The following CSMD1 variants were observed in gnomAD, a reference collection of about 807,000 sequenced individuals.
CSMD1 encodes the protein CUB and sushi domain-containing protein 1.
CSMD1 carries 213 observed loss-of-function variants against 417.5 expected under a neutral mutation model. The ratio of observed to expected loss-of-function variants is 0.51; its 90% CI spans 0.46 to 0.57. The LOEUF (loss-of-function observed/expected upper bound fraction) is 0.57. Among genes scored for constraint, CSMD1 ranks in the 20% least tolerant of loss-of-function variants. The probability of loss-of-function intolerance (pLI) is 0.00; values close to 1 mark genes in which losing one functional copy is unlikely to be tolerated. For synonymous variants in CSMD1, 2,862 were observed against 1,736.8 expected, an observed-to-expected ratio of 1.65 and a Z score of -16.11; for missense variants, 6,923 against 4,529.7, an observed-to-expected ratio of 1.53 and a Z score of -15.17.
chr8:3,209,618 T>A (rs1797491120), intron 30 of CSMD1, among the ~76,000 whole-genome samples: 1 of 152,184 alleles, frequency 6.6e-6, no homozygotes, highest in African/African-American at 2.4e-5. Flanking sequence ...TGCACTCGGC[T>A]ATTTAATTCT....
At chr8:3,615,038 T>A (rs1422511779) in intron 8 of CSMD1, among the ~76,000 whole-genome samples, 1 of 152,182 alleles carries the variant, frequency 6.6e-6, no homozygotes, top group Non-Finnish European at 1.5e-5. Flanking sequence ...GTTGCTTTGT[T>A]TTCAAAAGAG....
chr8:3,425,612 G>C (rs948946694), intron 12 of CSMD1, among the ~76,000 whole-genome samples: 1 of 146,002 alleles, frequency 6.8e-6, no homozygotes, highest in Non-Finnish European at 1.5e-5. Flanking sequence ...AAAGAAGAAA[G>C]AAAAAAGGAA....
At chr8:4,159,713 C>G (rs10103793) in intron 3 of CSMD1, among the ~76,000 whole-genome samples, 1 of 152,092 alleles carries the variant, frequency 6.6e-6, no homozygotes, top group Non-Finnish European at 1.5e-5. Flanking sequence ...CTCAGCCTCC[C>G]GAGCAGCTGG....
At chr8:3,696,290 G>A (rs1440507248) in intron 7 of CSMD1, among the ~76,000 whole-genome samples, 1 of 152,146 alleles carries the variant, frequency 6.6e-6, no homozygotes, top group African/African-American at 2.4e-5. Context: ...AATATGCAGT[G>A]CATGCAAAAT....
chr8:4,723,807 A>G (rs1024095301), intron 1 of CSMD1, among the ~76,000 whole-genome samples: 1 of 151,440 alleles, frequency 6.6e-6, no homozygotes, highest in Admixed American at 6.6e-5. Flanking sequence ...AAAACAAAAA[A>G]AAAACAAAAC....
At chr8:4,198,278 G>T (rs1375921968) in intron 3 of CSMD1, among the ~76,000 whole-genome samples, 1 of 152,216 alleles carries the variant, frequency 6.6e-6, no homozygotes, top group Admixed American at 6.5e-5. Flanking sequence ...AAGCACAGAA[G>T]GTAAACCCCA....
At chr8:3,919,215 G>C (rs1280266095) in intron 5 of CSMD1, among the ~76,000 whole-genome samples, 2 of 125,142 alleles carry the variant, frequency 1.6e-5, no homozygotes, top group East Asian at 2.5e-4. Context: ...AAAAAAGAAA[G>C]AAATCATTGT....
chr8:3,978,758 C>T (rs1813632686), intron 5 of CSMD1, among the ~76,000 whole-genome samples: 2 of 152,154 alleles, frequency 1.3e-5, no homozygotes, highest in South Asian at 4.1e-4. Flanking sequence ...GACATCAGTG[C>T]ATGACGGTGC....
intron 15 of CSMD1, among the ~76,000 whole-genome samples, chr8:3,403,622 G>A (rs1236125401): frequency 6.6e-6 from 1 of 152,172 alleles, no homozygotes; most frequent in Non-Finnish European, 1.5e-5. Context: ...TTATGGTAAA[G>A]GACATAAGGC....
intron 12 of CSMD1, among the ~76,000 whole-genome samples, chr8:3,418,687 C>A (rs1366263622): frequency 1.3e-5 from 2 of 152,084 alleles, no homozygotes; most frequent in African/African-American, 4.8e-5. Context: ...TGCCCTGCAC[C>A]AGAGCAAGAG....
chr8:4,981,985 C>T (rs1030931487), intron 1 of CSMD1, among the ~76,000 whole-genome samples: 6 of 152,144 alleles, frequency 3.9e-5, no homozygotes, highest in Non-Finnish European at 5.9e-5. Context: ...TGATGGTAAA[C>T]TCTGGCCAAA....
intron 3 of CSMD1, among the ~76,000 whole-genome samples, chr8:4,259,671 C>A (rs2128839812): frequency 1.3e-5 from 2 of 152,244 alleles, no homozygotes; most frequent in Middle Eastern, 6.8e-3. Flanking sequence ...ACTGGCAGTA[C>A]TGGGTCCTGA....
chr8:3,250,833 A>G (rs537763983), intron 26 of CSMD1, among the ~76,000 whole-genome samples: 187 of 152,144 alleles, frequency 1.2e-3, no homozygotes, highest in African/African-American at 4.4e-3. Flanking sequence ...GCATTTTTTC[A>G]TGTGTCTGTT....
At chr8:4,023,554 C>T (rs1182868164) in intron 4 of CSMD1, among the ~76,000 whole-genome samples, 1 of 151,278 alleles carries the variant, frequency 6.6e-6, no homozygotes, top group Non-Finnish European at 1.5e-5. Context: ...CACGCACTTA[C>T]CAAAATATGA....
intron 37 of CSMD1, among the ~76,000 whole-genome samples, chr8:3,178,547 T>A (rs1821084437): frequency 6.6e-6 from 1 of 152,190 alleles, no homozygotes; most frequent in Admixed American, 6.5e-5. Flanking sequence ...TTTTCATGCC[T>A]GCCTCTGCAT....
intron 26 of CSMD1, among the ~76,000 whole-genome samples, chr8:3,259,791 G>A (rs576430156): frequency 5.9e-5 from 9 of 152,278 alleles, no homozygotes; most frequent in African/African-American, 2.2e-4. Context: ...ATCAAATCTG[G>A]CCCATCAGCT....
intron 3 of CSMD1, among the ~76,000 whole-genome samples, chr8:4,387,229 A>G (rs1336550130): frequency 6.6e-6 from 1 of 152,196 alleles, no homozygotes. Flanking sequence ...ACAAATGTAA[A>G]TATTTTATGC....
intron 2 of CSMD1, among the ~76,000 whole-genome samples, chr8:4,567,260 A>G (rs115085674): frequency 0.032 from 4,878 of 152,278 alleles, 121 homozygotes; most frequent in Middle Eastern, 0.099. Context: ...TTCATTCACT[A>G]CAATTGTAAC....
rs182979013 is a variant in CSMD1 at position 3,548,054 on chromosome 8, T to C, written c.1344+26891A>G. Among the ~76,000 whole-genome samples, 8 of 152,172 alleles carry C rather than the reference T, an allele frequency of 5.3e-5. 1 individual carries two copies. Among genetic ancestry groups the C allele is most frequent in the East Asian group, 1.9e-4 (1 of 5,156 alleles). On this transcript the variant is annotated intron_variant, in intron 10 of 69. Coordinates refer to ENST00000635120, the MANE Select transcript of CSMD1 (RefSeq NM_033225.6). ...GAGAGGGGTAACCACCCCATGAAAG[T>C]AGGACAGTATTTTGACCAAAATAAA...
Sources: gnomAD v4.1 joint callset for allele counts (sites outside exome capture counted in the v4.1 genomes callset) on GRCh38, gnomAD v4.1.1 for gene constraint, MANE v1.5 for transcripts, NCBI Gene and HGNC (gene_info 2026-07-23, HGNC 2026-07-21) for gene names.